Variants in CSMD2 observed in about 807,000 individuals in gnomAD.
The protein encoded by CSMD2 is CUB and sushi domain-containing protein 2.
A neutral mutation model predicts 398.5 loss-of-function variants in CSMD2; 130 were observed. The observed-to-expected ratio is 0.33, with a 90% CI of 0.28 to 0.38. The LOEUF (loss-of-function observed/expected upper bound fraction) is 0.38. Among genes scored for constraint, CSMD2 ranks in the 10% least tolerant of loss-of-function variants. The pLI is 1.00. For synonymous variants in CSMD2, 1,828 were observed against 1,908.5 expected, an observed-to-expected ratio of 0.96 and a Z score of 1.10; for missense variants, 3,829 against 4,764.9, an observed-to-expected ratio of 0.80 and a Z score of 5.78.
chr1:34,086,924 G>A (rs1386311098), intron 2 of CSMD2, among the ~76,000 whole-genome samples: 1 of 151,858 alleles, frequency 6.6e-6, no homozygotes, highest in African/African-American at 2.4e-5. Flanking sequence ...CTACCCACTG[G>A]CTCTGCTCTA....
At chr1:34,071,955 C>T (rs575383706) in intron 2 of CSMD2, among the ~76,000 whole-genome samples, 1 of 152,148 alleles carries the variant, frequency 6.6e-6, no homozygotes, top group Non-Finnish European at 1.5e-5. Context: ...GATTTAAATC[C>T]TCATATTGTA....
intron 11 of CSMD2, among the ~76,000 whole-genome samples, chr1:33,791,428 T>C (rs1383594495): frequency 6.6e-6 from 1 of 152,196 alleles, no homozygotes; most frequent in Non-Finnish European, 1.5e-5. Flanking sequence ...GAGATGGATG[T>C]GGTCAGGGTG....
chr1:33,668,706 A>C (rs1261497165), intron 25 of CSMD2, among the ~76,000 whole-genome samples: 1 of 152,148 alleles, frequency 6.6e-6, no homozygotes, highest in Non-Finnish European at 1.5e-5. Context: ...GGAGAAACTG[A>C]AGTGGAGGAA....
At chr1:33,587,020 C>A (rs766962790) in intron 45 of CSMD2, 68 bp downstream of exon 45, 63 of 1,271,396 alleles carry the variant, frequency 5.0e-5, no homozygotes, top group East Asian at 1.0e-4. Flanking sequence ...CCCGACAGCT[C>A]CCCCCGCCAC....
intron 25 of CSMD2, among the ~76,000 whole-genome samples, chr1:33,689,800 G>A (rs1645175104): frequency 6.6e-6 from 1 of 152,150 alleles, no homozygotes; most frequent in Non-Finnish European, 1.5e-5. Context: ...CAGCAGCTCA[G>A]CAAAAAGGAA....
chr1:33,830,162 C>A (rs1659345828), intron 6 of CSMD2, among the ~76,000 whole-genome samples: 1 of 152,036 alleles, frequency 6.6e-6, no homozygotes, highest in Non-Finnish European at 1.5e-5. Context: ...AGCAGTGGTT[C>A]TCCCAGCATG....
In CSMD2 at chr1:33,904,848, G is replaced by A. The variant is rs151094299; in HGVS notation, c.920+13246C>T. ...TTTTTAATAGACATGGGGTTTCACC[G>A]TGTTAGCCAGGATGGTCTCAATCTC... On this transcript the variant is annotated intron_variant, in intron 5 of 70. Transcript: ENST00000373381. 7.2e-5 allele frequency among the ~76,000 whole-genome samples: 11 copies of A among 152,200 alleles called. No homozygotes were observed. In the East Asian group the frequency reaches 7.7e-4, roughly 11 times the overall value.
At chr1:33,844,973 C>A (rs1257378846) in intron 6 of CSMD2, among the ~76,000 whole-genome samples, 2 of 152,190 alleles carry the variant, frequency 1.3e-5, no homozygotes, top group African/African-American at 2.4e-5. Flanking sequence ...TTAGAGGCTG[C>A]AACTAGCATT....
Position 33,572,540 on chromosome 1 carries a change from T to C in CSMD2, c.7728A>G (p.Leu2576=), listed in dbSNP as rs1484420587. 6 of 1,613,206 alleles carry C rather than the reference T, an allele frequency of 3.7e-6. No individual in the cohort carries two copies. The highest frequency in any genetic ancestry group is 4.2e-6 in the Non-Finnish European group (5 of 1,179,660). The change falls in exon 50 of 71, where the codon CTA becomes CTG. Residue 2576 remains leucine, a synonymous_variant. Transcript: ENST00000373381. ...EATAECLDTG[L]WSNRNVPPQC... is the part of the protein sequence containing the mutation. ...GTGGTGGGACATTGCGGTTGCTCCATAGGCCTGTGTCCAGACACTCTGCAG... is the reference window on the plus strand; with the variant it reads ...GTGGTGGGACATTGCGGTTGCTCCACAGGCCTGTGTCCAGACACTCTGCAG...
chr1:33,631,410 T>C (rs948335030), intron 32 of CSMD2, among the ~76,000 whole-genome samples: 3 of 152,020 alleles, frequency 2.0e-5, no homozygotes, highest in Non-Finnish European at 2.9e-5. Context: ...GATAAAATAA[T>C]GAGACAAATT....
rs777581277 is a variant in CSMD2, at chr1:33,825,811, T to C, written c.1034-37A>G. ...GTAAGAGGAAAAACAATGTGAGTTGTTGCCTGTGACCAGGGATAAGGGTCC... is the reference window on the plus strand; with the variant it reads ...GTAAGAGGAAAAACAATGTGAGTTGCTGCCTGTGACCAGGGATAAGGGTCC... On this transcript the variant is annotated intron_variant, in intron 6 of 70. Transcript: ENST00000373381. The C allele has an allele frequency of 1.9e-6, 3 of 1,561,204 alleles. No individual in the cohort carries two copies. The South Asian group carries it at 3.4e-5, about 18-fold the overall frequency.
rs1656485324 is a variant in CSMD2, at chr1:33,542,812, T to C, written c.9185A>G (p.Tyr3062Cys). The C allele has an allele frequency of 6.2e-7, 1 of 1,614,146 alleles. No individual in the cohort carries two copies. The highest frequency in any genetic ancestry group is 8.5e-7 in the Non-Finnish European group (1 of 1,180,018). ...GGCGTAGTATCCTTCCCGGCACTCA[T>C]AGACGATAGAGCTGGAGAAAACCAG... ...DGLVFSSSIV[Y>C]ECREGYYATG... is the part of the protein sequence containing the mutation. The change falls in exon 58 of 71, where the codon TAT becomes TGT. Residue 3062 changes from tyrosine (Y) to cysteine (C), a missense_variant. Around this residue, in one of 5 missense-constraint regions of CSMD2, gnomAD observed 917 missense variants for 1,199.5 expected, o/e 0.76. Coordinates refer to ENST00000373381, the MANE Select transcript of CSMD2 (RefSeq NM_001281956.2).
intron 19 of CSMD2, among the ~76,000 whole-genome samples, chr1:33,719,107 G>A (rs1646270435): frequency 6.6e-6 from 1 of 152,222 alleles, no homozygotes; most frequent in Admixed American, 6.5e-5. Flanking sequence ...CACTGGTTGG[G>A]AAGGCTTCAC....
chr1:33,987,817 C>T (rs139426700), intron 3 of CSMD2, among the ~76,000 whole-genome samples: 2 of 152,302 alleles, frequency 1.3e-5, no homozygotes, highest in African/African-American at 4.8e-5. Context: ...AGTAGCACCA[C>T]CATGCCCCTG....
intron 5 of CSMD2, among the ~76,000 whole-genome samples, chr1:33,890,994 A>G (rs369560375): frequency 1.3e-5 from 2 of 152,216 alleles, no homozygotes; most frequent in Non-Finnish European, 2.9e-5. Context: ...GCATGGGCAA[A>G]GACTTCATGT....
At position 34,013,834 on chromosome 1, in the gene CSMD2, G is replaced by A. The variant is rs921305601; in HGVS notation, c.517+18760C>T. On this transcript the variant is annotated intron_variant, in intron 3 of 70. Transcript: ENST00000373381. ...TCATGGCTTTCAATACAATCTACAC[G>A]CTAAGGATGCTCCAACTTACATGGG... is the stretch of plus-strand genomic sequence containing the variant. Among the ~76,000 whole-genome samples the A allele has an allele frequency of 5.3e-5, 8 of 152,018 alleles. No homozygotes were observed. In the East Asian group the frequency reaches 7.7e-4, roughly 15 times the overall value.
At chr1:33,753,099 C>G (rs1480796081) in intron 13 of CSMD2, among the ~76,000 whole-genome samples, 1 of 152,130 alleles carries the variant, frequency 6.6e-6, no homozygotes, top group Non-Finnish European at 1.5e-5. Flanking sequence ...GCAACCTGAC[C>G]CTGTGGTAAA....
chr1:33,876,112 T>C (rs1437817287), intron 5 of CSMD2, among the ~76,000 whole-genome samples: 1 of 152,100 alleles, frequency 6.6e-6, no homozygotes, highest in African/African-American at 2.4e-5. Flanking sequence ...TTTACAGAAA[T>C]AAAGAAATTG....
intron 49 of CSMD2, 100 bp downstream of exon 49, chr1:33,577,196 A>G: frequency 9.0e-7 from 1 of 1,116,248 alleles, no homozygotes; most frequent in East Asian, 2.4e-5. Flanking sequence ...ATAATTATCA[A>G]AGAGGAAACC....
Sources: allele counts gnomAD v4.1 joint callset (sites outside exome capture counted in the v4.1 genomes callset), GRCh38; gene constraint gnomAD v4.1.1; regional missense constraint gnomAD v4.1.1; transcripts MANE v1.5; gene names NCBI Gene and HGNC (gene_info 2026-07-23, HGNC 2026-07-21).